The following TSG101 variants were observed in gnomAD, a reference collection of about 807,000 sequenced individuals.
TSG101 encodes tumor susceptibility 101.
Under a neutral mutation model 48.5 loss-of-function variants are expected in TSG101, and 19 were observed. The ratio of observed to expected loss-of-function variants is 0.39; its 90% confidence interval spans 0.27 to 0.58. TSG101 has a LOEUF of 0.58. Among genes scored for constraint, TSG101 ranks in the 20% least tolerant of loss-of-function variants. The probability of loss-of-function intolerance (pLI) is 0.55; values close to 1 mark genes in which losing one functional copy is unlikely to be tolerated. For synonymous variants in TSG101, 174 were observed against 169.4 expected, an observed-to-expected ratio of 1.03 and a Z score of -0.21; for missense variants, 365 against 484.4, an observed-to-expected ratio of 0.75 and a Z score of 2.31.
rs781714141 is a variant in TSG101 at position 18,483,878 on chromosome 11, G to C, written c.835C>G (p.Gln279Glu). 7.4e-6 allele frequency: 12 copies of C among 1,614,044 alleles called. No individual in the cohort carries two copies. The highest frequency in any genetic ancestry group is 9.3e-6 in the Non-Finnish European group (11 of 1,180,026). The change falls in exon 8 of 10, where the codon CAA becomes GAA. Residue 279 changes from glutamine to glutamate, a missense_variant. Physicochemically the swap from Gln to Glu is conservative, Grantham distance 29. Transcript: ENST00000251968. ...KLEEMVTRLD[Q>E]EVAEVDKNIE... ...TTTAATGAGTCACTTACTACTTCTT[G>C]ATCTAAACGGGTAACCATCTCTTCC... is the stretch of plus-strand genomic sequence containing the variant.
intron 8 of TSG101, among the ~76,000 whole-genome samples, chr11:18,483,631 C>T (rs983073225): frequency 1.3e-5 from 2 of 151,888 alleles, no homozygotes; most frequent in African/African-American, 4.8e-5. Context: ...AGTGTGAAAA[C>T]GAACTAATAC....
intron 4 of TSG101, among the ~76,000 whole-genome samples, chr11:18,512,777 G>C (rs923528723): frequency 2.0e-5 from 3 of 148,038 alleles, no homozygotes; most frequent in Non-Finnish European, 3.0e-5. Context: ...ACCCAGGCTG[G>C]AGTGCAGTGG....
intron 5 of TSG101, among the ~76,000 whole-genome samples, chr11:18,509,128 A>G (rs941096577): frequency 1.3e-5 from 2 of 152,220 alleles, no homozygotes; most frequent in Non-Finnish European, 2.9e-5. Context: ...AGAATAGCTG[A>G]ATGTGAACGC....
rs935685712 is a variant in TSG101, at chr11:18,491,876, G to A, written c.641-7804C>T. Among the ~76,000 whole-genome samples, 3 of 152,316 alleles carry A rather than the reference G, an allele frequency of 2.0e-5. 1 individual carries two copies. The highest frequency in any genetic ancestry group is 3.4e-3 in the Middle Eastern group (1 of 294). On this transcript the variant is annotated intron_variant, in intron 7 of 9. Coordinates refer to ENST00000251968, the MANE Select transcript of TSG101 (RefSeq NM_006292.4). ...GGCAACACATCTTTCCACACTCACT[G>A]AACATACAGATTAAAATACGTCAGA...
intron 7 of TSG101, among the ~76,000 whole-genome samples, chr11:18,497,872 T>C (rs776959882): frequency 6.6e-6 from 1 of 152,166 alleles, no homozygotes; most frequent in Non-Finnish European, 1.5e-5. Context: ...ATAGTGTGTA[T>C]CAATGAGAAA....
chr11:18,510,734 G>A (rs553217207), intron 4 of TSG101, among the ~76,000 whole-genome samples: 1 of 151,812 alleles, frequency 6.6e-6, no homozygotes, highest in African/African-American at 2.4e-5. Context: ...TCCAGCTTGA[G>A]CTCAGGAGTT....
intron 7 of TSG101, among the ~76,000 whole-genome samples, chr11:18,493,805 A>G (rs1849731970): frequency 6.6e-6 from 1 of 152,236 alleles, no homozygotes; most frequent in Non-Finnish European, 1.5e-5. Flanking sequence ...CTGTGCTATT[A>G]AGTGCAAACA....
chr11:18,519,467 A>G, intron 2 of TSG101, 52 bp downstream of exon 2: 1 of 1,409,156 alleles, frequency 7.1e-7, no homozygotes, highest in Non-Finnish European at 9.9e-7. Flanking sequence ...ATCATTAACA[A>G]AGAGAGTAAA....
chr11:18,484,158 T>G (rs1468561874), intron 7 of TSG101, 86 bp from the exon 8 acceptor site: 5 of 1,335,914 alleles, frequency 3.7e-6, no homozygotes, highest in Non-Finnish European at 3.2e-6. Context: ...AAGGGGGCAA[T>G]ATGAACCGAC....
intron 4 of TSG101, 74 bp from the exon 5 acceptor site, chr11:18,509,739 C>CA: frequency 6.9e-7 from 1 of 1,452,140 alleles, no homozygotes; most frequent in South Asian, 1.6e-5. Context: ...AGCCATTTCT[C>CA]ATCGGTTTTC....
intron 1 of TSG101, among the ~76,000 whole-genome samples, chr11:18,520,876 C>A (rs959782981): frequency 6.6e-6 from 1 of 151,830 alleles, no homozygotes; most frequent in Admixed American, 6.6e-5. Flanking sequence ...ACTAAAAATA[C>A]AAAAATTATC....
chr11:18,483,938 T>C lies in TSG101; in HGVS notation c.775A>G (p.Thr259Ala). ...AQAELNALKR[T>A]EEDLKKGHQK... ...TGACCCTTTTTCAGGTCTTCTTCTG[T>C]TCGTTTCAAGGCATTGAGCTCTGCC... Residue 259 changes from threonine to alanine, a missense_variant, in exon 8 of 10, where the codon ACA (threonine) becomes GCA (alanine). Coordinates refer to ENST00000251968, the MANE Select transcript of TSG101 (RefSeq NM_006292.4). 1 of 1,614,200 alleles carries C rather than the reference T, an allele frequency of 6.2e-7. No individual in the cohort carries two copies. The highest frequency in any genetic ancestry group is 1.3e-5 in the African/African-American group (1 of 75,044).
At chr11:18,505,946 G>T (rs1415920849) in intron 6 of TSG101, among the ~76,000 whole-genome samples, 1 of 151,856 alleles carries the variant, frequency 6.6e-6, no homozygotes, top group Non-Finnish European at 1.5e-5. Context: ...GCCTCCCAAA[G>T]AGCTGGGATT....
chr11:18,490,883 C>T, intron 7 of TSG101: 3 of 512,222 alleles, frequency 5.9e-6, no homozygotes, highest in Non-Finnish European at 1.2e-5. Flanking sequence ...GCCTTCGTGA[C>T]TACAGCCATA....
intron 1 of TSG101, among the ~76,000 whole-genome samples, chr11:18,523,686 G>C (rs145594121): frequency 0.01 from 1,545 of 152,186 alleles, 18 homozygotes; most frequent in Non-Finnish European, 0.014. Flanking sequence ...ATTTTTAGTA[G>C]AGATGGGGTT....
At chr11:18,483,324 G>A (rs919842705) in intron 8 of TSG101, among the ~76,000 whole-genome samples, 4 of 151,808 alleles carry the variant, frequency 2.6e-5, no homozygotes, top group Non-Finnish European at 4.4e-5. Context: ...GTGATACCCC[G>A]TCTCTACTAA....
At chr11:18,494,237 G>A (rs1230555233) in intron 7 of TSG101, among the ~76,000 whole-genome samples, 1 of 152,158 alleles carries the variant, frequency 6.6e-6, no homozygotes, top group African/African-American at 2.4e-5. Flanking sequence ...CATAAAAGAT[G>A]AAAGATGCTA....
chr11:18,490,368 A>C (rs1849680873), intron 7 of TSG101: 1 of 604,336 alleles, frequency 1.7e-6, no homozygotes, highest in African/African-American at 1.9e-5. Flanking sequence ...CAATTCAGTA[A>C]TTGCTTCATC....
At chr11:18,497,139 T>C (rs1305198216) in intron 7 of TSG101, among the ~76,000 whole-genome samples, 1 of 152,062 alleles carries the variant, frequency 6.6e-6, no homozygotes, top group African/African-American at 2.4e-5. Context: ...ATTCATTCTT[T>C]CTCATGGCCT....
Sources: allele counts gnomAD v4.1 joint callset (sites outside exome capture counted in the v4.1 genomes callset), GRCh38; gene constraint gnomAD v4.1.1; transcripts MANE v1.5; gene names NCBI Gene and HGNC (gene_info 2026-07-23, HGNC 2026-07-21).